The following USH2A variants were observed in gnomAD, a reference collection of about 807,000 sequenced individuals.
The protein encoded by USH2A is Usher syndrome 2A (autosomal recessive, mild).
Under a neutral mutation model 538.9 loss-of-function variants are expected in USH2A, and 443 were observed. That is an observed-to-expected ratio of 0.82 (90% confidence interval 0.76 to 0.89). The LOEUF is 0.89. Among genes scored for constraint, USH2A ranks in the 40% least tolerant of loss-of-function variants. The probability of loss-of-function intolerance (pLI) is 0.00; values close to 1 mark genes in which losing one functional copy is unlikely to be tolerated. For synonymous variants in USH2A, 2,413 were observed against 2,273.5 expected, an observed-to-expected ratio of 1.06 and a Z score of -1.75; for missense variants, 6,633 against 6,324.8, an observed-to-expected ratio of 1.05 and a Z score of -1.65.
At chr1:216,099,310 C>A (rs781354576) in intron 21 of USH2A, among the ~76,000 whole-genome samples, 6 of 152,034 alleles carry the variant, frequency 3.9e-5, no homozygotes, top group Non-Finnish European at 8.8e-5. Context: ...TTCCTGGCAA[C>A]TCTTCCACTC....
At chr1:216,245,697 C>T (rs1002653736) in intron 13 of USH2A, among the ~76,000 whole-genome samples, 2 of 152,122 alleles carry the variant, frequency 1.3e-5, no homozygotes, top group Non-Finnish European at 2.9e-5. Context: ...TCAATTCCTT[C>T]TTGTCTCTTT....
rs563288544 is a variant in USH2A at position 216,092,401 on chromosome 1, C to T, written c.4759-3262G>A. ...GCATTTAAAGATTAAAGGAGAAAAA[C>T]TGACTTAAAGTGGTACCCAAAGTAT... On this transcript the variant is annotated intron_variant, in intron 22 of 71. Coordinates refer to ENST00000307340, the MANE Select transcript of USH2A (RefSeq NM_206933.4). Among the ~76,000 whole-genome samples, 462 of 152,222 alleles carry T rather than the reference C, an allele frequency of 3.0e-3. 2 individuals are homozygous for T. Among genetic ancestry groups the T allele is most frequent in the Middle Eastern group, 6.8e-3 (2 of 294 alleles).
Position 215,970,786 on chromosome 1 carries a change from T to C in USH2A, c.6806-10A>G, listed in dbSNP as rs534542622. 6.0e-5 allele frequency: 97 copies of C among 1,612,940 alleles called. No individual in the cohort carries two copies. The highest frequency in any genetic ancestry group is 8.0e-5 in the Non-Finnish European group (94 of 1,179,340). ...TAACTCGTGATAACACCTGGGAAGA[T>C]AATAATTGCCTTTCAGTATGACTAC... is the stretch of plus-strand genomic sequence containing the variant. On this transcript the variant is annotated splice_polypyrimidine_tract_variant and intron_variant, in intron 35 of 71. Transcript: ENST00000307340.
chr1:215,979,132 C>T (rs1186917668), intron 35 of USH2A, among the ~76,000 whole-genome samples: 2 of 152,144 alleles, frequency 1.3e-5, no homozygotes, highest in Admixed American at 6.5e-5. Flanking sequence ...TACATGGCAG[C>T]AGGTAAGACA....
chr1:215,750,885 T>G (rs1368542620), intron 58 of USH2A, among the ~76,000 whole-genome samples: 1 of 152,174 alleles, frequency 6.6e-6, no homozygotes, highest in Non-Finnish European at 1.5e-5. Flanking sequence ...AGATATATGT[T>G]AATCTCTTAG....
chr1:215,856,611 G>A (rs1664173010), intron 44 of USH2A, among the ~76,000 whole-genome samples: 2 of 152,090 alleles, frequency 1.3e-5, no homozygotes, highest in Non-Finnish European at 2.9e-5. Context: ...ACGTAAACTA[G>A]TACAACCACT....
chr1:216,418,645 C>T lies in USH2A; in HGVS notation c.520G>A (p.Val174Met), dbSNP rs1414123599. The T allele has an allele frequency of 1.9e-6, 3 of 1,613,218 alleles. No homozygotes were observed. In the South Asian group the frequency reaches 3.3e-5, roughly 18 times the overall value. The change falls in exon 3 of 72, where the codon GTG (valine) becomes ATG (methionine). Residue 174 changes from valine (V) to methionine (M), a missense_variant. Val to Met is a conservative substitution (Grantham distance 21). Transcript: ENST00000307340. ...TTCTCAGATATTGTAAGTTTGAACA[C>T]AATCTGCCCATCTACTGTCTTTTCT... is the stretch of plus-strand genomic sequence containing the variant. ...VIEKTVDGQI[V>M]FKLTISEKET...
At chr1:215,632,906 C>T (rs772213637) in intron 70 of USH2A, among the ~76,000 whole-genome samples, 28 of 152,262 alleles carry the variant, frequency 1.8e-4, no homozygotes, top group Middle Eastern at 3.4e-3. Flanking sequence ...GATCACTCGA[C>T]ATTCATTCAT....
At chr1:215,702,609 C>T (rs1197550061) in intron 61 of USH2A, among the ~76,000 whole-genome samples, 2 of 151,618 alleles carry the variant, frequency 1.3e-5, no homozygotes, top group Admixed American at 1.3e-4. Context: ...ATTGATTTGG[C>T]TATTGATACT....
Position 216,207,373 on chromosome 1 carries a change from G to A in USH2A, c.3216C>T (p.Leu1072=). Reference sequence around the variant, plus strand: ...TTGGAGAATCAGGTGGACTCCAGGAGAGATTGATAGCAGAAGAACTTTGAA... The same window carrying A: ...TTGGAGAATCAGGTGGACTCCAGGAAAGATTGATAGCAGAAGAACTTTGAA... The part of the protein sequence containing the change: ...GQVQSSSAIN[L]SWSPPDSPNA... The change falls in exon 16 of 72, where the codon CTC becomes CTT. Residue 1072 remains leucine, a synonymous_variant. Transcript: ENST00000307340. 6.2e-7 allele frequency: 1 copy of A among 1,614,060 alleles called. No homozygotes were observed. The highest frequency in any genetic ancestry group is 8.5e-7 in the Non-Finnish European group (1 of 1,179,962).
intron 27 of USH2A, among the ~76,000 whole-genome samples, chr1:216,074,138 C>T (rs951178851): frequency 3.9e-5 from 6 of 152,324 alleles, no homozygotes; most frequent in African/African-American, 1.4e-4. Context: ...AGAGTATTCA[C>T]CACTTTTTTG....
At chr1:216,156,880 T>C (rs1025202258) in intron 21 of USH2A, among the ~76,000 whole-genome samples, 3 of 147,084 alleles carry the variant, frequency 2.0e-5, no homozygotes, top group African/African-American at 7.5e-5. Flanking sequence ...TTCTATCTCT[T>C]TTTTTTTTTT....
chr1:216,120,810 C>T (rs1330234252), intron 21 of USH2A, among the ~76,000 whole-genome samples: 1 of 151,928 alleles, frequency 6.6e-6, no homozygotes, highest in African/African-American at 2.4e-5. Context: ...GAGATGGCGC[C>T]ACTGCACTGC....
At chr1:216,386,541 C>CTATATA (rs66638535) in intron 3 of USH2A, among the ~76,000 whole-genome samples, 64 of 133,100 alleles carry the variant, frequency 4.8e-4, no homozygotes, top group African/African-American at 8.1e-4. Flanking sequence ...AACCAAAAAA[C>CTATATA]TATATATATA....
chr1:215,953,158 CA>C, intron 37 of USH2A, among the ~76,000 whole-genome samples: 1 of 152,146 alleles, frequency 6.6e-6, no homozygotes, highest in East Asian at 1.9e-4. Flanking sequence ...TTTATAGATT[CA>C]ATGCCATCCC....
rs748393788 is a variant in USH2A at position 215,634,613 on chromosome 1, G to A, written c.15143C>T (p.Ala5048Val). The A allele has an allele frequency of 3.3e-5, 53 of 1,614,042 alleles. No individual in the cohort carries two copies. The highest frequency in any genetic ancestry group is 6.7e-5 in the East Asian group (3 of 44,898). Residue 5048 changes from alanine (A) to valine (V), a missense_variant, in exon 70 of 72, where the codon GCG (alanine) becomes GTG (valine). Ala to Val is a moderately conservative substitution (Grantham distance 64, BLOSUM62 0). Coordinates refer to ENST00000307340, the MANE Select transcript of USH2A (RefSeq NM_206933.4). ...GGCCAACAAGATCAAGCCCAGCATC[G>A]CCATTAACACTATGAACCACAGCTC... is the stretch of plus-strand genomic sequence containing the variant. Reference protein sequence around the residue: ...YSELWFIVLMAMLGLILLAIF... With the variant: ...YSELWFIVLMVMLGLILLAIF...
chr1:216,380,753 A>G (rs1198012607), intron 3 of USH2A, among the ~76,000 whole-genome samples: 1 of 152,192 alleles, frequency 6.6e-6, no homozygotes, highest in Non-Finnish European at 1.5e-5. Flanking sequence ...GGATAAAGAG[A>G]TGATTTAATA....
At chr1:216,148,789 A>G (rs1066174) in intron 21 of USH2A, among the ~76,000 whole-genome samples, 92,324 of 148,374 alleles carry the variant, frequency 0.62, 28,866 homozygotes, top group East Asian at 0.79. Flanking sequence ...ATCGTGTTCT[A>G]GATCTCAAAC....
At chr1:216,074,911 A>T (rs77445583) in intron 27 of USH2A, among the ~76,000 whole-genome samples, 1 of 152,162 alleles carries the variant, frequency 6.6e-6, no homozygotes, top group African/African-American at 2.4e-5. Flanking sequence ...GGATGAAAAG[A>T]GTTCTTCAGA....
Sources: allele counts gnomAD v4.1 joint callset (sites outside exome capture counted in the v4.1 genomes callset), GRCh38; gene constraint gnomAD v4.1.1; transcripts MANE v1.5; gene names NCBI Gene and HGNC (gene_info 2026-07-23, HGNC 2026-07-21).